The following CCT7 variants were observed in gnomAD, a reference collection of about 807,000 sequenced individuals.
The protein encoded by CCT7 is T-complex protein 1 subunit eta.
Under a neutral mutation model 56.6 loss-of-function variants are expected in CCT7, and 16 were observed. The observed-to-expected ratio is 0.28, with a 90% CI of 0.19 to 0.43. The LOEUF (loss-of-function observed/expected upper bound fraction) is 0.43. Among genes scored for constraint, CCT7 ranks in the 20% least tolerant of loss-of-function variants. CCT7 has a pLI of 1.00. For synonymous variants in CCT7, 262 were observed against 254.8 expected (o/e 1.03, Z -0.27); for missense variants, 519 against 685.6 (o/e 0.76, Z 2.71).
In CCT7 at chr2:73,251,297, G is replaced by A; in HGVS notation, c.1275G>A (p.Arg425=). 1 of 1,614,198 alleles carries A rather than the reference G, an allele frequency of 6.2e-7. No individual in the cohort carries two copies. The highest frequency in any genetic ancestry group is 8.5e-7 in the Non-Finnish European group (1 of 1,180,018). ...ELSKYLRDYS[R]TIPGKQQLLI... Reference sequence around the variant, plus strand: ...CCAAGTACCTGCGGGATTACTCAAGGACTATTCCAGGAAAACAGCAGCTGT... The same window carrying A: ...CCAAGTACCTGCGGGATTACTCAAGAACTATTCCAGGAAAACAGCAGCTGT... The change falls in exon 11 of 12, where the codon AGG becomes AGA. Residue 425 remains arginine (R), a synonymous_variant. Coordinates refer to ENST00000258091, the MANE Select transcript of CCT7 (RefSeq NM_006429.4).
chr2:73,238,263 G>C (rs1686962436), intron 1 of CCT7, among the ~76,000 whole-genome samples: 1 of 151,900 alleles, frequency 6.6e-6, no homozygotes, highest in Non-Finnish European at 1.5e-5. Flanking sequence ...TTCCTTTTTA[G>C]GAATGAAATC....
chr2:73,251,496 C>T, intron 11 of CCT7, 64 bp downstream of exon 11: 1 of 1,426,380 alleles, frequency 7.0e-7, no homozygotes, highest in Non-Finnish European at 9.8e-7. Flanking sequence ...TGAATGTGAG[C>T]TGTGCTTACT....
chr2:73,242,179 T>C (rs1321951514), intron 3 of CCT7, among the ~76,000 whole-genome samples: 1 of 151,860 alleles, frequency 6.6e-6, no homozygotes. Context: ...TCTAGCACTT[T>C]GGGAGGCCGA....
chr2:73,236,844 C>T (rs1686906462), intron 1 of CCT7, among the ~76,000 whole-genome samples: 1 of 152,162 alleles, frequency 6.6e-6, no homozygotes, highest in Admixed American at 6.5e-5. Flanking sequence ...TTCTTCAGGG[C>T]CTGCAAAGCA....
intron 1 of CCT7, among the ~76,000 whole-genome samples, chr2:73,236,541 G>C (rs1201750091): frequency 6.6e-6 from 1 of 152,220 alleles, no homozygotes; most frequent in African/African-American, 2.4e-5. Context: ...GGGTTTCACC[G>C]TGTTGACCAG....
Position 73,247,800 on chromosome 2 carries a change from T to C in CCT7, c.657T>C (p.Thr219=). ...TAGCTGGTGTTGCATTCAAGAAGAC[T>C]TTCTCTTACGCTGGGTTTGAAATGC... ...QLVAGVAFKK[T]FSYAGFEMQP... Residue 219 remains threonine (T), a synonymous_variant, in exon 7 of 12, where the codon ACT becomes ACC. Transcript: ENST00000258091. 1 of 1,614,168 alleles carries C rather than the reference T, an allele frequency of 6.2e-7. No individual in the cohort carries two copies.
In CCT7 at chr2:73,252,773, C is replaced by T; in HGVS notation, c.1544C>T (p.Ser515Phe). The T allele has an allele frequency of 6.2e-7, 1 of 1,614,162 alleles. No individual in the cohort carries two copies. Among genetic ancestry groups the T allele is most frequent in the Non-Finnish European group, 8.5e-7 (1 of 1,180,020 alleles). ...TCTGAGGCTGCGTGCCTGATCGTGT[C>T]TGTAGATGAAACCATCAAGAACCCC... Reference protein sequence around the residue: ...AASEAACLIVSVDETIKNPRS... With the variant: ...AASEAACLIVFVDETIKNPRS... Residue 515 changes from serine to phenylalanine, a missense_variant, in exon 12 of 12, where the codon TCT becomes TTT. This residue lies in a region of CCT7 where 237 missense variants were observed against 300.8 expected (regional missense o/e 0.79). Coordinates refer to ENST00000258091, the MANE Select transcript of CCT7 (RefSeq NM_006429.4).
At chr2:73,235,653 A>G (rs1686848518) in intron 1 of CCT7, 6 of 646,184 alleles carry the variant, frequency 9.3e-6, no homozygotes, top group Non-Finnish European at 1.2e-5. Context: ...TAGGTTTGTA[A>G]CTTAGCTCTG....
At chr2:73,242,480 G>A (rs1246167) in intron 3 of CCT7, among the ~76,000 whole-genome samples, 152,070 of 152,188 alleles carry the variant, frequency 1, 75,977 homozygotes, top group Middle Eastern at 1. Flanking sequence ...GGGTTTCACC[G>A]TGTTGTCCAG....
At chr2:73,250,542 C>T in intron 10 of CCT7, 104 bp downstream of exon 10, 1 of 1,351,380 alleles carries the variant, frequency 7.4e-7, no homozygotes, top group Admixed American at 1.8e-5. Context: ...TATAACCTGC[C>T]CTTTCCTGGG....
intron 5 of CCT7, 127 bp from the exon 6 acceptor site, chr2:73,244,417 A>G: frequency 2.6e-6 from 2 of 763,208 alleles, no homozygotes; most frequent in East Asian, 2.7e-5. Context: ...CCCTAAAGAT[A>G]CAAAAGGTGA....
At chr2:73,244,764 C>T (rs776832332) in intron 6 of CCT7, 49 bp downstream of exon 6, 11 of 1,430,522 alleles carry the variant, frequency 7.7e-6, no homozygotes, top group Admixed American at 2.0e-5. Flanking sequence ...CATATTGACC[C>T]TTCAGACAGC....
At chr2:73,239,276 C>G (rs536053725) in intron 1 of CCT7, 1 of 170,300 alleles carries the variant, frequency 5.9e-6, no homozygotes, top group Non-Finnish European at 1.3e-5. Context: ...GAACACTTAG[C>G]AGGGTCTGCC....
At chr2:73,250,663 G>A (rs773320350) in intron 10 of CCT7, among the ~76,000 whole-genome samples, 16 of 152,048 alleles carry the variant, frequency 1.1e-4, no homozygotes, top group Non-Finnish European at 2.1e-4. Flanking sequence ...TTAGCCGGGC[G>A]TGGTAGCTCA....
chr2:73,250,508 A>G, intron 10 of CCT7, 70 bp downstream of exon 10: 1 of 1,566,680 alleles, frequency 6.4e-7, no homozygotes, highest in Non-Finnish European at 8.8e-7. Context: ...CAGACCTTGG[A>G]TTTGTGTGGT....
intron 1 of CCT7, among the ~76,000 whole-genome samples, chr2:73,237,201 C>A (rs747885019): frequency 2.0e-5 from 3 of 152,188 alleles, no homozygotes; most frequent in Non-Finnish European, 4.4e-5. Flanking sequence ...TTGTTTATTA[C>A]TGTAGAGAAA....
intron 9 of CCT7, 58 bp from the exon 10 acceptor site, chr2:73,250,248 T>TA: frequency 6.2e-7 from 1 of 1,604,192 alleles, no homozygotes; most frequent in Admixed American, 1.7e-5. Flanking sequence ...GTGAGGACAA[T>TA]ACAGTAGGAT....
intron 6 of CCT7, among the ~76,000 whole-genome samples, chr2:73,246,309 T>C (rs1687333628): frequency 6.6e-6 from 1 of 152,252 alleles, no homozygotes; most frequent in Non-Finnish European, 1.5e-5. Flanking sequence ...TCTGTATTTC[T>C]TGTCATAGTT....
intron 6 of CCT7, among the ~76,000 whole-genome samples, chr2:73,245,767 C>T (rs1687307476): frequency 1.3e-5 from 2 of 152,174 alleles, no homozygotes; most frequent in Admixed American, 6.5e-5. Context: ...CCCACTTTGC[C>T]ATTTCCCCTC....
Sources: allele counts gnomAD v4.1 joint callset (sites outside exome capture counted in the v4.1 genomes callset), GRCh38; gene constraint gnomAD v4.1.1; regional missense constraint gnomAD v4.1.1; transcripts MANE v1.5; gene names NCBI Gene and HGNC (gene_info 2026-07-23, HGNC 2026-07-21).